ARMC2: variants seen among roughly 807,000 people sequenced by gnomAD.
ARMC2 encodes the protein armadillo repeat containing 2.
Under a neutral mutation model 90.3 loss-of-function variants are expected in ARMC2, and 67 were observed. The observed-to-expected ratio is 0.74, with a 90% CI of 0.61 to 0.91. ARMC2 has a LOEUF of 0.91. Ranked by LOEUF, ARMC2 falls within the 40% of genes least tolerant of loss-of-function variation. The pLI is 0.00. For missense variants in ARMC2, 920 were observed against 1,030.9 expected, an observed-to-expected ratio of 0.89 and a Z score of 1.47; for synonymous variants, 393 against 393.0, an observed-to-expected ratio of 1.00 and a Z score of 0.00.
intron 16 of ARMC2, among the ~76,000 whole-genome samples, chr6:108,964,558 G>C (rs1326115546): frequency 6.6e-6 from 1 of 152,178 alleles, no homozygotes; most frequent in Non-Finnish European, 1.5e-5. Context: ...CAGATCACTT[G>C]AGGCCAGGAG....
At chr6:109,014,184 T>C in the ARMC2 span, among the ~76,000 whole-genome samples, 2 of 152,178 alleles carry the variant, frequency 1.3e-5, no homozygotes, top group Non-Finnish European at 2.9e-5. Context: ...TGTAAATAAG[T>C]AGTATTCCAA....
At chr6:108,892,330 G>C (rs1771152584) in intron 5 of ARMC2, among the ~76,000 whole-genome samples, 1 of 152,126 alleles carries the variant, frequency 6.6e-6, no homozygotes, top group African/African-American at 2.4e-5. Flanking sequence ...CGATTGGCTA[G>C]TGACATTTGC....
the ARMC2 span, among the ~76,000 whole-genome samples, chr6:108,983,198 T>C: frequency 6.6e-6 from 1 of 152,216 alleles, no homozygotes; most frequent in African/African-American, 2.4e-5. Context: ...AATATATGAT[T>C]TGTAAATATT....
chr6:108,905,521 AAGAG>A (rs1378656510), intron 8 of ARMC2, among the ~76,000 whole-genome samples: 1 of 151,832 alleles, frequency 6.6e-6, no homozygotes, highest in African/African-American at 2.4e-5. Context: ...AAGCCAAAGA[AAGAG>A]AGAAAGAGTG....
At position 108,973,342 on chromosome 6, in the gene ARMC2, A is replaced by T. The variant is rs1344674581; in HGVS notation, c.2447-15A>T. The T allele has an allele frequency of 6.3e-7, 1 of 1,593,178 alleles. No homozygotes were observed. Among genetic ancestry groups the T allele is most frequent in the South Asian group, 1.1e-5 (1 of 88,814 alleles). The stretch of plus-strand genomic sequence containing the variant: ...ATTTCTAAATAATGCTGTAATTTAA[A>T]TTTTTCTAATACAGATGAAGAACTA... On this transcript the variant is annotated splice_polypyrimidine_tract_variant and intron_variant, in intron 17 of 17. Transcript: ENST00000392644.
chr6:109,001,464 C>G, the ARMC2 span: 1 of 1,613,410 alleles, frequency 6.2e-7, no homozygotes, highest in South Asian at 1.1e-5. Flanking sequence ...TGCATCTGTG[C>G]GTCTTCACTC....
At chr6:109,018,956 A>G in the ARMC2 span, among the ~76,000 whole-genome samples, 7 of 152,344 alleles carry the variant, frequency 4.6e-5, no homozygotes, top group East Asian at 9.6e-4. Flanking sequence ...ATATAAGAAA[A>G]TATAGAAATA....
chr6:108,880,869 C>CT (rs1417381986), intron 5 of ARMC2, among the ~76,000 whole-genome samples: 1 of 131,866 alleles, frequency 7.6e-6, no homozygotes, highest in Non-Finnish European at 1.7e-5. Flanking sequence ...TCTTTTTTTT[C>CT]TTTTTTTGAC....
Position 108,939,419 on chromosome 6 carries a change from T to G in ARMC2, c.1596+2420T>G, listed in dbSNP as rs1196757921. ...CACCATCCCCCTGGTGCTGTTCTCGTGGTAGTGAGTGAGTTTTCTTGAGAT... is the reference window on the plus strand; with the variant it reads ...CACCATCCCCCTGGTGCTGTTCTCGGGGTAGTGAGTGAGTTTTCTTGAGAT... On this transcript the variant is annotated intron_variant, in intron 12 of 17. Coordinates refer to ENST00000392644, the MANE Select transcript of ARMC2 (RefSeq NM_032131.6). 2.6e-5 allele frequency among the ~76,000 whole-genome samples: 4 copies of G among 152,114 alleles called. No homozygotes were observed. In the South Asian group the frequency reaches 8.3e-4, roughly 32 times the overall value.
the ARMC2 span, among the ~76,000 whole-genome samples, chr6:109,013,905 C>T: frequency 6.6e-6 from 1 of 152,254 alleles, no homozygotes; most frequent in Non-Finnish European, 1.5e-5. Flanking sequence ...ATCTACATAG[C>T]TTGTCTGCTA....
At chr6:108,875,142 G>C (rs1380074405) in intron 4 of ARMC2, among the ~76,000 whole-genome samples, 1 of 152,098 alleles carries the variant, frequency 6.6e-6, no homozygotes, top group Non-Finnish European at 1.5e-5. Flanking sequence ...CAGCCTTGTA[G>C]CAGCATGGAC....
chr6:108,881,976 T>C (rs1011130320), intron 5 of ARMC2, among the ~76,000 whole-genome samples: 2 of 151,918 alleles, frequency 1.3e-5, no homozygotes, highest in Non-Finnish European at 1.5e-5. Flanking sequence ...ACTATTAAGA[T>C]AGGAACCAAC....
At chr6:108,871,649 A>T (rs1038539677) in intron 4 of ARMC2, among the ~76,000 whole-genome samples, 1 of 152,084 alleles carries the variant, frequency 6.6e-6, no homozygotes, top group Admixed American at 6.6e-5. Flanking sequence ...TGAGGTACAC[A>T]CTGATGTGAA....
Position 108,953,270 on chromosome 6 carries a change from G to A in ARMC2, c.1834G>A (p.Ala612Thr). The change falls in exon 13 of 18, where the codon GCC (alanine) becomes ACC (threonine). Residue 612 changes from alanine (A) to threonine (T), a missense_variant. Ala to Thr is a moderately conservative substitution (Grantham distance 58). Transcript: ENST00000392644. ...DVLIKLTRVLANIAIHPGVGP... is the reference protein window; with the variant it reads ...DVLIKLTRVLTNIAIHPGVGP... ...GCTCATCAAGCTGACTCGTGTGCTG[G>A]CCAACATTGCCATCCACCCGGGCGT... 6.2e-7 allele frequency: 1 copy of A among 1,612,980 alleles called. No homozygotes were observed. The highest frequency in any genetic ancestry group is 8.5e-7 in the Non-Finnish European group (1 of 1,179,890).
intron 12 of ARMC2, among the ~76,000 whole-genome samples, chr6:108,952,424 G>C (rs1179634278): frequency 6.6e-6 from 1 of 152,080 alleles, no homozygotes; most frequent in Non-Finnish European, 1.5e-5. Context: ...GGTAGGTACT[G>C]CCTTAAAGTA....
chr6:108,899,722 C>T lies in ARMC2; in HGVS notation c.777C>T (p.Asp259=), dbSNP rs142753291. Residue 259 remains aspartate, a synonymous_variant, in exon 7 of 18, where the codon GAC becomes GAT. Transcript: ENST00000392644. ...AVPKADLQEE[D]AEIEVDEVFW... ...CAAAAGCTGACCTGCAAGAAGAGGA[C>T]GCAGAAATAGAAGTAGACGAAGTCT... is the stretch of plus-strand genomic sequence containing the variant. 29 of 1,613,208 alleles carry T rather than the reference C, an allele frequency of 1.8e-5. No individual in the cohort carries two copies. The highest frequency in any genetic ancestry group is 2.7e-5 in the African/African-American group (2 of 74,760).
At chr6:108,868,747 G>C in intron 3 of ARMC2, 77 bp from the exon 4 acceptor site, 1 of 1,406,494 alleles carries the variant, frequency 7.1e-7, no homozygotes, top group Non-Finnish European at 9.8e-7. Context: ...TTCTGGAAGG[G>C]TTGTGGCCAG....
chr6:108,918,201 C>T (rs1170476359), intron 10 of ARMC2, among the ~76,000 whole-genome samples: 1 of 151,996 alleles, frequency 6.6e-6, no homozygotes, highest in Non-Finnish European at 1.5e-5. Flanking sequence ...AAAATGGCCT[C>T]ATTTGTGGAA....
At chr6:108,868,487 G>A (rs1468240365) in intron 3 of ARMC2, among the ~76,000 whole-genome samples, 1 of 152,184 alleles carries the variant, frequency 6.6e-6, no homozygotes, top group Non-Finnish European at 1.5e-5. Context: ...AAAGTGCTGG[G>A]ATTGCAGGCA....
Sources: gnomAD v4.1 joint callset for allele counts (sites outside exome capture counted in the v4.1 genomes callset) on GRCh38, gnomAD v4.1.1 for gene constraint, MANE v1.5 for transcripts, NCBI Gene and HGNC (gene_info 2026-07-23, HGNC 2026-07-21) for gene names.